The following ITM2B variants were observed in gnomAD, a reference collection of about 807,000 sequenced individuals.
ITM2B encodes ABri/ADan amyloid peptide.
In ITM2B, 11 loss-of-function variants were observed where a neutral mutation model predicts 27.8. The observed-to-expected ratio is 0.40, with a 90% CI of 0.25 to 0.66. The LOEUF is 0.66. Among genes scored for constraint, ITM2B ranks in the 30% least tolerant of loss-of-function variants. ITM2B has a pLI of 0.43. For missense variants in ITM2B, 296 were observed against 328.9 expected (o/e 0.90, Z 0.77); for synonymous variants, 114 against 114.3 (o/e 1.00, Z 0.02).
intron 4 of ITM2B, 118 bp downstream of exon 4, chr13:48,258,354 A>G (rs907596332): frequency 8.4e-6 from 6 of 717,304 alleles, no homozygotes; most frequent in Non-Finnish European, 1.5e-5. Flanking sequence ...GAATTTTACA[A>G]AGAGGAACTA....
intron 1 of ITM2B, 105 bp from the exon 2 acceptor site, chr13:48,253,703 G>A (rs1317711267): frequency 9.3e-6 from 11 of 1,179,176 alleles, no homozygotes; most frequent in Non-Finnish European, 1.3e-5. Flanking sequence ...TTTGGTCTTT[G>A]TGTCTTCATT....
intron 1 of ITM2B, among the ~76,000 whole-genome samples, chr13:48,236,679 G>A (rs1050660684): frequency 1.1e-4 from 16 of 152,162 alleles, no homozygotes; most frequent in African/African-American, 3.9e-4. Flanking sequence ...AAGGAGATGG[G>A]TAGAGGTATT....
At chr13:48,236,048 A>C (rs190425138) in intron 1 of ITM2B, among the ~76,000 whole-genome samples, 2 of 152,240 alleles carry the variant, frequency 1.3e-5, no homozygotes. Flanking sequence ...AAACAGTTCT[A>C]TTACCCCATT....
rs1951869125 is a variant in ITM2B at position 48,269,027 on chromosome 13, T to C, written c.*7803T>C. On this transcript the variant is annotated 3_prime_UTR_variant, in exon 6 of 6. Coordinates refer to ENST00000647800, the MANE Select transcript of ITM2B (RefSeq NM_021999.5). ...AAATTCCCCTTAAGGCATACGTTGC[T>C]GTCTTTTCCAAATTCCCATTTTGCT... 1 of 152,216 alleles carries C rather than the reference T, an allele frequency of 6.6e-6. No individual in the cohort carries two copies. The highest frequency in any genetic ancestry group is 1.5e-5 in the Non-Finnish European group (1 of 68,026). The allele number at this position is 152,216 out of a possible 1,614,324, so 9.4% of individuals were successfully genotyped here.
At chr13:48,245,855 T>C (rs1167351006) in intron 1 of ITM2B, among the ~76,000 whole-genome samples, 2 of 151,446 alleles carry the variant, frequency 1.3e-5, no homozygotes, top group Non-Finnish European at 2.9e-5. Flanking sequence ...CTCTGCTCAC[T>C]GCAAGCTCTG....
intron 1 of ITM2B, among the ~76,000 whole-genome samples, chr13:48,249,077 A>G (rs534330434): frequency 1.9e-4 from 29 of 152,310 alleles, no homozygotes; most frequent in Admixed American, 1.4e-3. Context: ...TGGTAATTGT[A>G]TAAAGTCATA....
At chr13:48,251,834 A>G (rs1002272702) in intron 1 of ITM2B, among the ~76,000 whole-genome samples, 4 of 152,124 alleles carry the variant, frequency 2.6e-5, no homozygotes, top group Non-Finnish European at 4.4e-5. Flanking sequence ...CTCCTTAGAT[A>G]TTTATGTCAG....
At chr13:48,250,686 A>G (rs1002021624) in intron 1 of ITM2B, among the ~76,000 whole-genome samples, 12 of 152,184 alleles carry the variant, frequency 7.9e-5, no homozygotes, top group African/African-American at 2.9e-4. Flanking sequence ...TGCCAAGCCT[A>G]AGCTTGGCTT....
rs748146945 is a variant in ITM2B, at chr13:48,256,255, G to T, written c.325G>T (p.Ala109Ser). ...AAATGAGCCCTCTGCAGATGCCCCA[G>T]CTGCTCTCTACCAGACAATTGAAGA... is the stretch of plus-strand genomic sequence containing the variant. The part of the protein sequence containing the change: ...ILNEPSADAP[A>S]ALYQTIEENI... The change falls in exon 3 of 6, where the codon GCT (alanine) becomes TCT (serine). Residue 109 changes from alanine (A) to serine (S), a missense_variant. Coordinates refer to ENST00000647800, the MANE Select transcript of ITM2B (RefSeq NM_021999.5). The T allele has an allele frequency of 6.8e-6, 11 of 1,612,812 alleles. No individual in the cohort carries two copies. The East Asian group carries it at 2.5e-4, about 36-fold the overall frequency.
chr13:48,240,053 T>TCTATCA (rs1328717067), intron 1 of ITM2B, among the ~76,000 whole-genome samples: 1 of 152,250 alleles, frequency 6.6e-6, no homozygotes, highest in Non-Finnish European at 1.5e-5. Flanking sequence ...AAATTTTGTC[T>TCTATCA]CTATCACTTA....
chr13:48,259,277 C>G (rs1951808542), intron 5 of ITM2B, among the ~76,000 whole-genome samples: 1 of 152,150 alleles, frequency 6.6e-6, no homozygotes, highest in African/African-American at 2.4e-5. Flanking sequence ...CAGAGGGTGT[C>G]TTGGGACCAG....
intron 1 of ITM2B, among the ~76,000 whole-genome samples, chr13:48,248,224 G>A (rs547278428): frequency 1.0e-3 from 155 of 151,848 alleles, no homozygotes; most frequent in Non-Finnish European, 1.9e-3. Flanking sequence ...GTTGTGCAAC[G>A]TGCCTTTTTT....
chr13:48,258,614 T>C (rs8001315), intron 4 of ITM2B, among the ~76,000 whole-genome samples, 183 bp from the exon 5 acceptor site: 64,824 of 152,012 alleles, frequency 0.43, 17,983 homozygotes, highest in African/African-American at 0.8. Flanking sequence ...GTGGGAGGAT[T>C]GCTTGAGGCC....
intron 1 of ITM2B, among the ~76,000 whole-genome samples, chr13:48,243,358 C>T (rs1012600578): frequency 1.3e-5 from 2 of 152,148 alleles, no homozygotes; most frequent in Admixed American, 1.3e-4. Context: ...TTTAAGTTCA[C>T]ATGTATGTGA....
At position 48,269,075 on chromosome 13, in the gene ITM2B, A is replaced by G. The variant is rs1951869342; in HGVS notation, c.*7851A>G. 1 of 152,190 alleles carries G rather than the reference A, an allele frequency of 6.6e-6. No individual in the cohort carries two copies. The highest frequency in any genetic ancestry group is 2.1e-4 in the South Asian group (1 of 4,828). The allele number at this position is 152,190 out of a possible 1,614,324, so 9.4% of individuals were successfully genotyped here. ...GCTTGTCCAATAGGCATTATCAGAT[A>G]CAACATGTTCAAAGGCAAACTTGAT... On this transcript the variant is annotated 3_prime_UTR_variant, in exon 6 of 6. Transcript: ENST00000647800.
chr13:48,254,972 T>C (rs2137992455), intron 2 of ITM2B: 1 of 151,916 alleles, frequency 6.6e-6, no homozygotes, highest in East Asian at 1.9e-4. Context: ...GTCTCCCGGG[T>C]TCAGGCAATT....
chr13:48,237,389 C>T (rs1951674124), intron 1 of ITM2B, among the ~76,000 whole-genome samples: 2 of 152,188 alleles, frequency 1.3e-5, no homozygotes, highest in South Asian at 4.1e-4. Context: ...TCCCAAATGC[C>T]TTGGCAGGAC....
chr13:48,254,847 A>T (rs1333169631), intron 2 of ITM2B: 1 of 151,658 alleles, frequency 6.6e-6, no homozygotes, highest in Non-Finnish European at 1.5e-5. Context: ...TCGCAATTCC[A>T]TTTTCCAGAG....
At chr13:48,243,859 TA>T (rs928344881) in intron 1 of ITM2B, among the ~76,000 whole-genome samples, 4 of 151,738 alleles carry the variant, frequency 2.6e-5, no homozygotes, top group Admixed American at 6.6e-5. Context: ...ATATATTTAA[TA>T]AAAAAAATCA....
Sources: allele counts gnomAD v4.1 joint callset (sites outside exome capture counted in the v4.1 genomes callset), GRCh38; gene constraint gnomAD v4.1.1; transcripts MANE v1.5; gene names NCBI Gene and HGNC (gene_info 2026-07-23, HGNC 2026-07-21).